The following SUPV3L1 variants were observed in gnomAD, a reference collection of about 807,000 sequenced individuals.
The protein encoded by SUPV3L1 is Suv3 like RNA helicase.
In SUPV3L1, 35 loss-of-function variants were observed where a neutral mutation model predicts 70.0. The ratio of observed to expected loss-of-function variants is 0.50; its 90% CI spans 0.38 to 0.66. The LOEUF is 0.66. Ranked by LOEUF, SUPV3L1 falls within the 30% of genes least tolerant of loss-of-function variation. The pLI is 0.00. For missense variants in SUPV3L1, 777 were observed against 961.5 expected, an observed-to-expected ratio of 0.81 and a Z score of 2.54; for synonymous variants, 364 against 341.9, an observed-to-expected ratio of 1.06 and a Z score of -0.71.
chr10:69,188,019 T>G (rs913374080), intron 4 of SUPV3L1, among the ~76,000 whole-genome samples: 1 of 152,194 alleles, frequency 6.6e-6, no homozygotes, highest in Admixed American at 6.5e-5. Context: ...AAGTGTAAGC[T>G]ATGGCCTTCC....
Position 69,202,995 on chromosome 10 carries a change from A to G in SUPV3L1, c.1728A>G (p.Thr576=), listed in dbSNP as rs1589389700. ...LSLRVRYVFC[T]APINKKQPFV... ...TGCGAGTGAGGTATGTTTTCTGCAC[A>G]GCTCCTATCAACAAGAAGCAGCCTT... is the stretch of plus-strand genomic sequence containing the variant. The change falls in exon 13 of 15, where the codon ACA becomes ACG. Residue 576 remains threonine (T), a synonymous_variant. Transcript: ENST00000359655. 1.2e-6 allele frequency: 2 copies of G among 1,613,950 alleles called. No individual in the cohort carries two copies. The highest frequency in any genetic ancestry group is 1.7e-6 in the Non-Finnish European group (2 of 1,179,916).
intron 13 of SUPV3L1, among the ~76,000 whole-genome samples, chr10:69,207,484 C>T (rs1041331102): frequency 1.3e-5 from 2 of 152,000 alleles, no homozygotes; most frequent in Admixed American, 6.6e-5. Flanking sequence ...CCAGCTAATT[C>T]TTTGTGTTTT....
chr10:69,187,608 A>T, intron 3 of SUPV3L1, 34 bp from the exon 4 acceptor site: 8 of 1,426,450 alleles, frequency 5.6e-6, no homozygotes, highest in Non-Finnish European at 7.8e-6. Context: ...TTTTATGTAG[A>T]TTGCACATGT....
intron 8 of SUPV3L1, 65 bp from the exon 9 acceptor site, chr10:69,198,307 T>G: frequency 6.9e-7 from 1 of 1,456,348 alleles, no homozygotes; most frequent in Non-Finnish European, 9.3e-7. Context: ...ATCTTTTCAC[T>G]TAATTACTAG....
intron 13 of SUPV3L1, among the ~76,000 whole-genome samples, chr10:69,204,952 G>A (rs1029284511): frequency 4.6e-5 from 7 of 151,914 alleles, no homozygotes; most frequent in Non-Finnish European, 1.0e-4. Flanking sequence ...TGTATATTTT[G>A]TAGAGGCAGG....
rs1390094703 is a variant in SUPV3L1, at chr10:69,208,902, T to C, written c.2228T>C (p.Leu743Pro). 6.2e-7 allele frequency: 1 copy of C among 1,613,960 alleles called. No individual in the cohort carries two copies. The highest frequency in any genetic ancestry group is 8.5e-7 in the Non-Finnish European group (1 of 1,180,032). The change falls in exon 15 of 15, where the codon CTC (leucine) becomes CCC (proline). Residue 743 changes from leucine to proline, a missense_variant. Physicochemically the swap from Leu to Pro is moderately conservative, Grantham distance 98. This residue lies in a region of SUPV3L1 where 619 missense variants were observed against 823.3 expected (regional missense o/e 0.75). Transcript: ENST00000359655. ...LASRLVQQGL[L>P]TPDMLKQLEK... Reference sequence around the variant, plus strand: ...TCCAGATTGGTGCAGCAAGGACTCCTCACTCCAGACATGCTGAAACAGCTA... The same window carrying C: ...TCCAGATTGGTGCAGCAAGGACTCCCCACTCCAGACATGCTGAAACAGCTA...
chr10:69,188,301 A>G (rs1011559750), intron 4 of SUPV3L1, among the ~76,000 whole-genome samples: 1 of 152,136 alleles, frequency 6.6e-6, no homozygotes. Context: ...CTGCTGAAGC[A>G]GCTCTGAACT....
At chr10:69,201,789 T>G (rs1350486323) in intron 11 of SUPV3L1, among the ~76,000 whole-genome samples, 1 of 152,042 alleles carries the variant, frequency 6.6e-6, no homozygotes, top group Non-Finnish European at 1.5e-5. Flanking sequence ...TCCTCCCACC[T>G]TGGCCTCCCA....
intron 5 of SUPV3L1, 149 bp downstream of exon 5, chr10:69,189,584 TA>T: frequency 1.4e-6 from 1 of 716,748 alleles, no homozygotes; most frequent in Non-Finnish European, 2.1e-6. Context: ...GATGTACCAT[TA>T]TTTTATATAC....
chr10:69,198,289 G>A lies in SUPV3L1; in HGVS notation c.1024-83G>A, dbSNP rs1031673946. ...TATCAGTTTTTAGCTACTCTTAACT[G>A]CATTACAATCTTTTCACTTAATTAC... On this transcript the variant is annotated intron_variant, in intron 8 of 14. Transcript: ENST00000359655. 3.1e-6 allele frequency: 4 copies of A among 1,291,224 alleles called. No individual in the cohort carries two copies. The African/African-American group carries it at 4.5e-5, about 15-fold the overall frequency. 80.0% of individuals were successfully genotyped at this position (1,291,224 alleles called of 1,614,324 possible).
At chr10:69,203,194 C>T (rs2132303239) in intron 13 of SUPV3L1, 151 bp downstream of exon 13, 1 of 769,754 alleles carries the variant, frequency 1.3e-6, no homozygotes, top group African/African-American at 1.8e-5. Flanking sequence ...ATAGTAGCAA[C>T]AGTGTTCAGT....
At chr10:69,195,515 C>G in intron 7 of SUPV3L1, 1 of 364,706 alleles carries the variant, frequency 2.7e-6, no homozygotes, top group Non-Finnish European at 4.9e-6. Context: ...ATTTACACAA[C>G]TACAATTTAT....
intron 14 of SUPV3L1, 120 bp downstream of exon 14, chr10:69,208,061 T>C: frequency 7.9e-7 from 1 of 1,259,502 alleles, no homozygotes; most frequent in Non-Finnish European, 1.1e-6. Context: ...ATATTATGTC[T>C]ATTGTCCATA....
intron 4 of SUPV3L1, 55 bp downstream of exon 4, chr10:69,187,811 C>T (rs1488129807): frequency 1.7e-5 from 20 of 1,167,436 alleles, no homozygotes; most frequent in Middle Eastern, 2.2e-4. Flanking sequence ...TTGGATGATT[C>T]GTGGTCATTA....
At chr10:69,182,748 G>A (rs926659198) in intron 1 of SUPV3L1, 1 of 884,386 alleles carries the variant, frequency 1.1e-6, no homozygotes, top group Non-Finnish European at 1.4e-6. Flanking sequence ...AGAAGATGGT[G>A]CATTACTACA....
chr10:69,197,501 G>T (rs1170597252), intron 8 of SUPV3L1, among the ~76,000 whole-genome samples: 1 of 152,160 alleles, frequency 6.6e-6, no homozygotes, highest in Non-Finnish European at 1.5e-5. Context: ...AGAGTTGGAA[G>T]TAACTGGTTT....
chr10:69,207,807 T>C lies in SUPV3L1; in HGVS notation c.1791T>C (p.Tyr597=), dbSNP rs1294020484. 4.3e-6 allele frequency: 7 copies of C among 1,613,898 alleles called. No homozygotes were observed. The highest frequency in any genetic ancestry group is 5.1e-6 in the Non-Finnish European group (6 of 1,179,954). ...CSSLLQFARQ[Y]SRNEPLTFAW... Reference sequence around the variant, plus strand: ...TTCTCTCTCAGTTTGCCAGGCAGTATAGCAGGAATGAGCCCCTGACCTTTG... The same window carrying C: ...TTCTCTCTCAGTTTGCCAGGCAGTACAGCAGGAATGAGCCCCTGACCTTTG... The change falls in exon 14 of 15, where the codon TAT becomes TAC. Residue 597 remains tyrosine (Y), a synonymous_variant. Transcript: ENST00000359655.
intron 13 of SUPV3L1, among the ~76,000 whole-genome samples, chr10:69,203,617 TC>T (rs1842741144): frequency 7.0e-6 from 1 of 143,118 alleles, no homozygotes; most frequent in Admixed American, 7.0e-5. Flanking sequence ...TGAGCCAAGA[TC>T]GCACCATTGC....
intron 12 of SUPV3L1, 151 bp downstream of exon 12, chr10:69,202,670 CT>C: frequency 9.3e-7 from 1 of 1,071,696 alleles, no homozygotes. Flanking sequence ...TTCTCAAAAT[CT>C]TTTGGGACTT....
Sources: allele counts gnomAD v4.1 joint callset (sites outside exome capture counted in the v4.1 genomes callset), GRCh38; gene constraint gnomAD v4.1.1; regional missense constraint gnomAD v4.1.1; transcripts MANE v1.5; gene names NCBI Gene and HGNC (gene_info 2026-07-23, HGNC 2026-07-21).